The following THADA variants were observed in gnomAD, a reference collection of about 807,000 sequenced individuals.
THADA encodes the protein tRNA (32-2'-O)-methyltransferase regulator THADA.
A neutral mutation model predicts 219.8 loss-of-function variants in THADA; 213 were observed. That is an observed-to-expected ratio of 0.97 (90% confidence interval 0.87 to 1.09). The LOEUF (loss-of-function observed/expected upper bound fraction) is 1.09. Among genes scored for constraint, THADA ranks in the 50% least tolerant of loss-of-function variants. THADA has a pLI of 0.00. For missense variants in THADA, 2,956 were observed against 2,311.3 expected, an observed-to-expected ratio of 1.28 and a Z score of -5.72; for synonymous variants, 1,018 against 828.9, an observed-to-expected ratio of 1.23 and a Z score of -3.92.
intron 24 of THADA, among the ~76,000 whole-genome samples, chr2:43,503,297 A>C (rs1469001221): frequency 6.6e-6 from 1 of 152,230 alleles, no homozygotes; most frequent in Non-Finnish European, 1.5e-5. Context: ...AGAAAACGGG[A>C]AACAACCTAA....
intron 27 of THADA, among the ~76,000 whole-genome samples, chr2:43,429,456 T>A (rs1338178982): frequency 6.6e-6 from 1 of 152,084 alleles, no homozygotes. Flanking sequence ...AAAGCCCTCG[T>A]AATGGCTTTG....
chr2:43,418,298 G>C (rs757151219), intron 28 of THADA, among the ~76,000 whole-genome samples: 2 of 152,180 alleles, frequency 1.3e-5, no homozygotes, highest in African/African-American at 2.4e-5. Flanking sequence ...GATAATCAAC[G>C]TAAGAAGCAA....
At chr2:43,326,105 T>TAC (rs1679291638) in intron 30 of THADA, among the ~76,000 whole-genome samples, 1 of 148,554 alleles carries the variant, frequency 6.7e-6, no homozygotes, top group Non-Finnish European at 1.5e-5. Context: ...GCACAGTATA[T>TAC]ACACACAAAC....
Position 43,460,412 on chromosome 2 carries a change from T to C in THADA, c.3836+24822A>G, listed in dbSNP as rs953847117. Among the ~76,000 whole-genome samples, 3 of 152,110 alleles carry C rather than the reference T, an allele frequency of 2.0e-5. No individual in the cohort carries two copies. The East Asian group carries it at 5.8e-4, about 29-fold the overall frequency. ...TCTGTCCATGCAAAGATTTGGAAAA[T>C]ACATTTTCTGGACAGAACTGGGCCT... On this transcript the variant is annotated intron_variant, in intron 26 of 37. Transcript: ENST00000405975.
chr2:43,261,216 C>CTTTTTTTTTTTT (rs1181680289), intron 36 of THADA, among the ~76,000 whole-genome samples: 1 of 77,168 alleles, frequency 1.3e-5, no homozygotes, highest in African/African-American at 5.3e-5. Context: ...TTGTGCATTT[C>CTTTTTTTTTTTT]TTTTTTTTTT....
intron 31 of THADA, among the ~76,000 whole-genome samples, chr2:43,300,597 A>T (rs10190311): frequency 0.15 from 22,359 of 152,158 alleles, 1,932 homozygotes; most frequent in African/African-American, 0.23. Context: ...GCTGCACAGG[A>T]ACCTTGCTGG....
intron 29 of THADA, among the ~76,000 whole-genome samples, chr2:43,373,192 G>C (rs960052090): frequency 2.0e-5 from 3 of 152,118 alleles, no homozygotes; most frequent in Non-Finnish European, 4.4e-5. Context: ...AATGTTAGGG[G>C]AGTGTACAAA....
intron 25 of THADA, chr2:43,486,552 C>G (rs1226556486): frequency 6.6e-6 from 1 of 152,132 alleles, no homozygotes; most frequent in East Asian, 1.9e-4. Flanking sequence ...GACATAACCA[C>G]ATGGTGTGTT....
At chr2:43,544,095 G>A (rs1168221607) in intron 20 of THADA, among the ~76,000 whole-genome samples, 1 of 152,168 alleles carries the variant, frequency 6.6e-6, no homozygotes, top group Non-Finnish European at 1.5e-5. Context: ...CATATGGCTA[G>A]CCTGTTTTCC....
Position 43,566,798 on chromosome 2 carries a change from G to T in THADA, c.2211C>A (p.Asn737Lys). Residue 737 changes from asparagine (N) to lysine (K), a missense_variant, in exon 15 of 38, where the codon AAC (asparagine) becomes AAA (lysine). Asn to Lys is a moderately conservative substitution (Grantham distance 94). Transcript: ENST00000405975. Reference sequence around the variant, plus strand: ...CAGGAAACAATGCTTCAAAAAGACTGTTACAAATGGATGACATGAAATTCT... The same window carrying T: ...CAGGAAACAATGCTTCAAAAAGACTTTTACAAATGGATGACATGAAATTCT... ...QYKNFMSSIC[N>K]SLFEALFPGS... 1.4e-6 allele frequency: 2 copies of T among 1,461,070 alleles called. No individual in the cohort carries two copies. Among genetic ancestry groups the T allele is most frequent in the Non-Finnish European group, 1.8e-6 (2 of 1,103,902 alleles). The allele number at this position is 1,461,070 out of a possible 1,614,324, so 90.5% of individuals were successfully genotyped here. A position where few individuals can be genotyped will look rare whatever the true frequency, so the allele number is the denominator to read the frequency against.
At chr2:43,360,846 G>T (rs557828086) in intron 29 of THADA, among the ~76,000 whole-genome samples, 1 of 152,174 alleles carries the variant, frequency 6.6e-6, no homozygotes, top group Non-Finnish European at 1.5e-5. Context: ...TGAGGACAGT[G>T]GGACAACAGG....
intron 18 of THADA, 97 bp from the exon 19 acceptor site, chr2:43,552,022 G>C: frequency 2.6e-6 from 4 of 1,557,494 alleles, no homozygotes; most frequent in Non-Finnish European, 3.5e-6. Flanking sequence ...TTTCAAAATT[G>C]TTCAATACAT....
chr2:43,245,196 G>A (rs181151544), intron 36 of THADA, among the ~76,000 whole-genome samples: 7,577 of 60,796 alleles, frequency 0.12, 358 homozygotes, highest in African/African-American at 0.3. Flanking sequence ...TTTTTGAGAC[G>A]GAGTCTTGCT....
At chr2:43,397,026 T>TCATATA (rs1198809466) in intron 29 of THADA, among the ~76,000 whole-genome samples, 3 of 152,180 alleles carry the variant, frequency 2.0e-5, no homozygotes, top group African/African-American at 7.2e-5. Context: ...GTTCACAAAG[T>TCATATA]CCCTATGAGG....
intron 26 of THADA, among the ~76,000 whole-genome samples, chr2:43,431,978 T>A (rs1405283308): frequency 1.7e-5 from 2 of 120,480 alleles, no homozygotes; most frequent in Non-Finnish European, 3.3e-5. Flanking sequence ...TGCCTCAGCC[T>A]CCCAAGTAGC....
chr2:43,261,598 T>C (rs1670949170), intron 36 of THADA, among the ~76,000 whole-genome samples: 1 of 151,212 alleles, frequency 6.6e-6, no homozygotes, highest in Admixed American at 6.6e-5. Flanking sequence ...GTAGGTGGGA[T>C]TACAGGTGCA....
intron 22 of THADA, among the ~76,000 whole-genome samples, chr2:43,520,524 C>A (rs1450870612): frequency 6.6e-6 from 1 of 151,926 alleles, no homozygotes; most frequent in Non-Finnish European, 1.5e-5. Context: ...CCCATCTCTA[C>A]AAAAAATACA....
chr2:43,297,772 T>A (rs1258871524), intron 31 of THADA, among the ~76,000 whole-genome samples: 1 of 58,970 alleles, frequency 1.7e-5, no homozygotes. Context: ...GGGAGGGAGG[T>A]GGGGGGGTCG....
At chr2:43,519,088 T>C (rs908119080) in intron 22 of THADA, among the ~76,000 whole-genome samples, 5 of 152,006 alleles carry the variant, frequency 3.3e-5, no homozygotes, top group Admixed American at 6.6e-5. Flanking sequence ...TCACCTAGGA[T>C]AGACAGTTCA....
Sources: gnomAD v4.1 joint callset for allele counts (sites outside exome capture counted in the v4.1 genomes callset) on GRCh38, gnomAD v4.1.1 for gene constraint, MANE v1.5 for transcripts, NCBI Gene and HGNC (gene_info 2026-07-23, HGNC 2026-07-21) for gene names.